The following AGMO variants were observed in gnomAD, a reference collection of about 807,000 sequenced individuals.
AGMO encodes the protein alkylglycerol monooxygenase, also known as glyceryl-ether monooxygenase.
A neutral mutation model predicts 60.2 loss-of-function variants in AGMO; 75 were observed. The observed-to-expected ratio is 1.25, with a 90% CI of 1.03 to 1.51. The LOEUF is 1.51. Ranked by LOEUF, AGMO falls within the 40% of genes most tolerant of loss-of-function variation. AGMO has a pLI of 0.00. For synonymous variants in AGMO, 261 were observed against 177.1 expected (o/e 1.47, Z -3.76); for missense variants, 763 against 525.5 (o/e 1.45, Z -4.42).
intron 3 of AGMO, among the ~76,000 whole-genome samples, chr7:15,472,642 A>G (rs1275189778): frequency 6.6e-6 from 1 of 151,982 alleles, no homozygotes; most frequent in African/African-American, 2.4e-5. Flanking sequence ...AATTATTTTG[A>G]TTCAGAAAAA....
intron 12 of AGMO, among the ~76,000 whole-genome samples, chr7:15,288,992 G>C (rs2128521338): frequency 6.6e-6 from 1 of 151,876 alleles, no homozygotes; most frequent in Non-Finnish European, 1.5e-5. Flanking sequence ...TAAGTGTGCT[G>C]TTGTTCTATT....
At chr7:15,139,190 C>A in the AGMO span, among the ~76,000 whole-genome samples, 2 of 152,140 alleles carry the variant, frequency 1.3e-5, no homozygotes, top group African/African-American at 4.8e-5. Context: ...TTTCTGAGTT[C>A]TCTAAAACGG....
chr7:15,495,066 CT>C (rs1783186318), intron 3 of AGMO, among the ~76,000 whole-genome samples: 1 of 152,200 alleles, frequency 6.6e-6, no homozygotes, highest in African/African-American at 2.4e-5. Flanking sequence ...TGAATTATGA[CT>C]TTTCATTTGT....
the AGMO span, among the ~76,000 whole-genome samples, chr7:15,185,926 A>G: frequency 6.6e-6 from 1 of 152,160 alleles, no homozygotes; most frequent in African/African-American, 2.4e-5. Flanking sequence ...TCTGCCTCAT[A>G]ATGATTTTCA....
intron 10 of AGMO, among the ~76,000 whole-genome samples, chr7:15,373,519 T>TATTATAAAGAAGAA (rs1252390504): frequency 6.6e-6 from 1 of 152,084 alleles, no homozygotes; most frequent in African/African-American, 2.4e-5. Context: ...TGCCCACAGA[T>TATTATAAAGAAGAA]ATTATAAAGA....
intron 12 of AGMO, among the ~76,000 whole-genome samples, chr7:15,357,527 C>T (rs1782583990): frequency 6.6e-6 from 1 of 152,142 alleles, no homozygotes; most frequent in Non-Finnish European, 1.5e-5. Flanking sequence ...TTTCCCCACC[C>T]TTTGATTTTC....
At chr7:15,375,140 A>G (rs999136260) in intron 10 of AGMO, among the ~76,000 whole-genome samples, 7 of 152,070 alleles carry the variant, frequency 4.6e-5, no homozygotes, top group Non-Finnish European at 1.0e-4. Flanking sequence ...TTGCCAAAAG[A>G]GTCTGTTGTT....
At position 15,357,719 on chromosome 7, in the gene AGMO, C is replaced by T. The variant is rs144696773; in HGVS notation, c.1263+7795G>A. ...GGCTATGCGGACAGAAAACAGTGCG[C>T]TCCCTTGACAGCCAGAGAGAAGTCT... On this transcript the variant is annotated intron_variant, in intron 12 of 12. Transcript: ENST00000342526. 3.8e-3 allele frequency among the ~76,000 whole-genome samples: 586 copies of T among 152,320 alleles called. 5 individuals carry two copies. The highest frequency in any genetic ancestry group is 0.017 in the Middle Eastern group (5 of 294).
chr7:15,547,859 G>A (rs536434866), intron 2 of AGMO, among the ~76,000 whole-genome samples: 1 of 151,870 alleles, frequency 6.6e-6, no homozygotes, highest in East Asian at 1.9e-4. Context: ...CACCTCTGGG[G>A]GCAGGGCACA....
intron 3 of AGMO, among the ~76,000 whole-genome samples, chr7:15,454,020 T>C (rs574791510): frequency 3.0e-4 from 44 of 148,470 alleles, no homozygotes; most frequent in African/African-American, 1.1e-3. Flanking sequence ...ATAAAATATG[T>C]TTATATATTT....
chr7:15,188,735 G>A, the AGMO span, among the ~76,000 whole-genome samples: 9 of 149,200 alleles, frequency 6.0e-5, no homozygotes, highest in South Asian at 2.2e-4. Flanking sequence ...TAAATATAAC[G>A]TCTGAACTGA....
chr7:15,346,708 G>C (rs80286922), intron 12 of AGMO, among the ~76,000 whole-genome samples: 7,672 of 151,450 alleles, frequency 0.051, 284 homozygotes, highest in African/African-American at 0.099. Flanking sequence ...TTATTCAAGA[G>C]CTAAATCCAA....
At chr7:15,232,421 GTTCT>G (rs1355315480) in intron 12 of AGMO, among the ~76,000 whole-genome samples, 1 of 152,010 alleles carries the variant, frequency 6.6e-6, no homozygotes, top group Non-Finnish European at 1.5e-5. Flanking sequence ...TTGTGCCAAC[GTTCT>G]TTCTTAGTAA....
intron 12 of AGMO, among the ~76,000 whole-genome samples, chr7:15,277,347 AAATAAATT>A (rs201178425): frequency 0.12 from 17,473 of 147,114 alleles, 1,139 homozygotes; most frequent in Admixed American, 0.19. Context: ...ATAAATAAAT[AAATAAATT>A]ATGTGTCATT....
intron 4 of AGMO, among the ~76,000 whole-genome samples, chr7:15,427,018 T>C (rs1187654388): frequency 2.6e-5 from 4 of 152,112 alleles, no homozygotes; most frequent in African/African-American, 9.7e-5. Flanking sequence ...TTAGCTTCAT[T>C]CGAATGGTGG....
the AGMO span, among the ~76,000 whole-genome samples, chr7:15,174,972 C>G: frequency 6.6e-6 from 1 of 151,030 alleles, no homozygotes; most frequent in Non-Finnish European, 1.5e-5. Context: ...TGAATCCTAT[C>G]TAGAATGAAT....
intron 3 of AGMO, among the ~76,000 whole-genome samples, chr7:15,506,541 C>T (rs981463506): frequency 5.3e-5 from 8 of 151,990 alleles, no homozygotes; most frequent in Non-Finnish European, 8.8e-5. Context: ...GTGTTTATGA[C>T]TGTTTTTGTT....
At chr7:15,418,359 G>A (rs1780832447) in intron 5 of AGMO, among the ~76,000 whole-genome samples, 199 bp downstream of exon 5, 1 of 151,852 alleles carries the variant, frequency 6.6e-6, no homozygotes, top group Admixed American at 6.6e-5. Flanking sequence ...TTATTTAATT[G>A]AGACCAACTG....
chr7:15,300,549 C>T (rs1047210741), intron 12 of AGMO, among the ~76,000 whole-genome samples: 4 of 152,004 alleles, frequency 2.6e-5, no homozygotes, highest in Admixed American at 2.6e-4. Flanking sequence ...TTTTAAAACC[C>T]TTAAAGAGTG....
Sources: allele counts gnomAD v4.1 joint callset (sites outside exome capture counted in the v4.1 genomes callset), GRCh38; gene constraint gnomAD v4.1.1; transcripts MANE v1.5; gene names NCBI Gene and HGNC (gene_info 2026-07-23, HGNC 2026-07-21).